The following SGCG variants were observed in gnomAD, a reference collection of about 807,000 sequenced individuals.
SGCG encodes the protein gamma-sarcoglycan.
In SGCG, 26 loss-of-function variants were observed where a neutral mutation model predicts 29.3. That is an observed-to-expected ratio of 0.89 (90% CI 0.65 to 1.23). SGCG has a LOEUF of 1.23. Among genes scored for constraint, SGCG ranks in the 50% most tolerant of loss-of-function variants. The pLI is 0.00. For missense variants in SGCG, 353 were observed against 356.0 expected (o/e 0.99, Z 0.07); for synonymous variants, 145 against 129.7 (o/e 1.12, Z -0.80).
intron 6 of SGCG, among the ~76,000 whole-genome samples, chr13:23,312,402 A>T (rs1306463816): frequency 6.6e-6 from 1 of 152,236 alleles, no homozygotes; most frequent in South Asian, 2.1e-4. Context: ...GAATAATTGT[A>T]CTTGAAGCCA....
intron 6 of SGCG, among the ~76,000 whole-genome samples, chr13:23,295,733 A>G (rs1311799114): frequency 2.0e-5 from 3 of 152,024 alleles, no homozygotes; most frequent in Admixed American, 6.5e-5. Context: ...TTCCTCTCCA[A>G]TCTGCCTCTC....
chr13:23,229,791 G>A (rs73168666), intron 2 of SGCG, among the ~76,000 whole-genome samples: 3 of 152,188 alleles, frequency 2.0e-5, no homozygotes, highest in Non-Finnish European at 4.4e-5. Flanking sequence ...AGTTTAATGA[G>A]GCCTCATTTG....
At chr13:23,308,621 A>G (rs1010038616) in intron 6 of SGCG, among the ~76,000 whole-genome samples, 7 of 151,856 alleles carry the variant, frequency 4.6e-5, no homozygotes, top group Non-Finnish European at 7.4e-5. Flanking sequence ...CTGGAGTGCA[A>G]TGGCATGATC....
At chr13:23,181,265 A>C (rs1014902604) in intron 1 of SGCG, among the ~76,000 whole-genome samples, 190 bp downstream of exon 1, 1 of 152,206 alleles carries the variant, frequency 6.6e-6, no homozygotes, top group Non-Finnish European at 1.5e-5. Flanking sequence ...ATTTCAACTA[A>C]GTTATTCTGA....
chr13:23,276,426 G>GTTTTTT (rs757414154), intron 4 of SGCG, among the ~76,000 whole-genome samples: 7 of 65,810 alleles, frequency 1.1e-4, no homozygotes, highest in Admixed American at 1.6e-4. Flanking sequence ...TTCTTTTTTA[G>GTTTTTT]TTTTCTTTTT....
intron 4 of SGCG, among the ~76,000 whole-genome samples, chr13:23,265,981 C>G (rs1880624124): frequency 6.6e-6 from 1 of 152,148 alleles, no homozygotes; most frequent in Non-Finnish European, 1.5e-5. Flanking sequence ...TATCACAGCA[C>G]AATTCAAAAT....
In SGCG at chr13:23,246,206, C is replaced by CA. The variant is rs531953999; in HGVS notation, c.298-4423dup. 3.9e-5 allele frequency: 6 copies of CA among 152,406 alleles called. No individual in the cohort carries two copies. The South Asian group carries it at 1.0e-3, about 26-fold the overall frequency. 9.4% of individuals were successfully genotyped at this position (152,406 alleles called of 1,614,324 possible). ...AACATGTCCAGAGACCTGAAGATGA[C>CA]AGAGGAAGGCAGATCCAAGAATTCC... On this transcript the variant is annotated intron_variant, in intron 3 of 7. Coordinates refer to ENST00000218867, the MANE Select transcript of SGCG (RefSeq NM_000231.3).
At chr13:23,323,916 G>GGA (rs1883137576) in intron 7 of SGCG, among the ~76,000 whole-genome samples, 1 of 152,176 alleles carries the variant, frequency 6.6e-6, no homozygotes, top group Non-Finnish European at 1.5e-5. Flanking sequence ...CTAATGGGGA[G>GGA]GAGAGGATTT....
chr13:23,176,401 T>G (rs76767839), upstream of SGCG, among the ~76,000 whole-genome samples: 1,161 of 152,276 alleles, frequency 7.6e-3, 22 homozygotes, highest in African/African-American at 0.026. Flanking sequence ...AATATTTGCT[T>G]TATATATTTG....
At chr13:23,315,913 A>T (rs1470657683) in intron 6 of SGCG, among the ~76,000 whole-genome samples, 1 of 152,208 alleles carries the variant, frequency 6.6e-6, no homozygotes, top group Non-Finnish European at 1.5e-5. Flanking sequence ...CTCAGCAGAG[A>T]AGGATTTTAA....
At chr13:23,225,307 T>A (rs1386662643) in intron 2 of SGCG, among the ~76,000 whole-genome samples, 1 of 152,224 alleles carries the variant, frequency 6.6e-6, no homozygotes. Context: ...TATTCATCAC[T>A]TTCACCAGCT....
rs772271813 is a variant in SGCG at position 23,324,443 on chromosome 13, A to C, written c.778A>C (p.Ser260Arg). ...GTGGGGTCCCTCTGGCAGCTCACAG[A>C]GCCTCTACGAAATCTGTGTGTGTCC... is the stretch of plus-strand genomic sequence containing the variant. ...GTWGPSGSSQ[S>R]LYEICVCPDG... Residue 260 changes from serine to arginine, a missense_variant, in exon 8 of 8, where the codon AGC becomes CGC. Ser to Arg is a moderately radical substitution (Grantham distance 110). Coordinates refer to ENST00000218867, the MANE Select transcript of SGCG (RefSeq NM_000231.3). The C allele has an allele frequency of 2.5e-6, 4 of 1,614,096 alleles. No homozygotes were observed. The highest frequency in any genetic ancestry group is 3.4e-6 in the Non-Finnish European group (4 of 1,180,020).
chr13:23,277,205 A>G (rs889462338), intron 4 of SGCG, among the ~76,000 whole-genome samples: 7 of 152,228 alleles, frequency 4.6e-5, no homozygotes, highest in African/African-American at 1.7e-4. Flanking sequence ...ACCTCTAGTG[A>G]GCAAAACAGT....
At chr13:23,316,519 A>G (rs1429290407) in intron 6 of SGCG, among the ~76,000 whole-genome samples, 1 of 152,326 alleles carries the variant, frequency 6.6e-6, no homozygotes, top group East Asian at 1.9e-4. Context: ...TACAGTGCCA[A>G]CTAGGTGACA....
intron 3 of SGCG, among the ~76,000 whole-genome samples, chr13:23,237,609 A>C (rs1027595528): frequency 1.3e-5 from 2 of 152,234 alleles, no homozygotes; most frequent in Admixed American, 1.3e-4. Context: ...AGGAGGCTAC[A>C]AAGATGCCAG....
the SGCG span, among the ~76,000 whole-genome samples, chr13:23,168,313 TA>T: frequency 6.6e-6 from 1 of 152,204 alleles, no homozygotes; most frequent in Middle Eastern, 3.2e-3. Flanking sequence ...AAAATTGTCT[TA>T]TTTTTCATAT....
At position 23,187,902 on chromosome 13, in the gene SGCG, A is replaced by G. The variant is rs527764581; in HGVS notation, c.-1+6827A>G. The stretch of plus-strand genomic sequence containing the variant: ...CATATATTTCTCTGCTGCAGATGGC[A>G]TGGCCTGATTCCAAACTCCTGGAGG... On this transcript the variant is annotated intron_variant, in intron 1 of 7. Coordinates refer to ENST00000218867, the MANE Select transcript of SGCG (RefSeq NM_000231.3). 2.9e-4 allele frequency among the ~76,000 whole-genome samples: 44 copies of G among 152,334 alleles called. 1 individual carries two copies. In the South Asian group the frequency reaches 8.9e-3, roughly 31 times the overall value.
rs369208220 is a variant in SGCG, at chr13:23,271,085, G to A, written c.386-8274G>A. ...AAATTAGCCAGGCGTGGTGGCACGC[G>A]CCCGTAATCCCAGCTATTTGGGAGG... is the stretch of plus-strand genomic sequence containing the variant. On this transcript the variant is annotated intron_variant, in intron 4 of 7. Coordinates refer to ENST00000218867, the MANE Select transcript of SGCG (RefSeq NM_000231.3). 1.9e-4 allele frequency among the ~76,000 whole-genome samples: 29 copies of A among 152,018 alleles called. No individual in the cohort carries two copies. In the South Asian group the frequency reaches 5.4e-3, roughly 28 times the overall value.
At chr13:23,207,162 C>T (rs916398626) in intron 2 of SGCG, among the ~76,000 whole-genome samples, 1 of 152,038 alleles carries the variant, frequency 6.6e-6, no homozygotes, top group Admixed American at 6.5e-5. Context: ...GAAAAAAATC[C>T]ATGCATGTGT....
Sources: gnomAD v4.1 joint callset for allele counts (sites outside exome capture counted in the v4.1 genomes callset) on GRCh38, gnomAD v4.1.1 for gene constraint, MANE v1.5 for transcripts, NCBI Gene and HGNC (gene_info 2026-07-23, HGNC 2026-07-21) for gene names.